Variants in NUFIP1 observed in about 807,000 individuals in gnomAD.
The protein encoded by NUFIP1 is FMR1-interacting protein NUFIP1.
In NUFIP1, 38 loss-of-function variants were observed where a neutral mutation model predicts 56.2. The observed-to-expected ratio is 0.68, with a 90% CI of 0.52 to 0.89. The LOEUF (loss-of-function observed/expected upper bound fraction) is 0.89, where lower values mean the gene tolerates loss of function less well. NUFIP1 is among the 40% of genes least tolerant of loss of function. The probability of loss-of-function intolerance (pLI) is 0.00; values close to 1 mark genes in which losing one functional copy is unlikely to be tolerated. For missense variants in NUFIP1, 567 were observed against 605.8 expected, an observed-to-expected ratio of 0.94 and a Z score of 0.67; for synonymous variants, 215 against 212.4, an observed-to-expected ratio of 1.01 and a Z score of -0.10.
rs530424313 is a variant in NUFIP1 at position 44,989,234 on chromosome 13, G to C, written c.203C>G (p.Pro68Arg). 5.6e-6 allele frequency: 9 copies of C among 1,612,620 alleles called. No individual in the cohort carries two copies. Among genetic ancestry groups the C allele is most frequent in the South Asian group, 1.1e-5 (1 of 90,884 alleles). Reference protein sequence around the residue: ...GSKPSSESQPPMEAQSLPGAP... With the variant: ...GSKPSSESQPRMEAQSLPGAP... ...CCCGGGGAGAGACTGGGCCTCCATG[G>C]GGGGCTGCGACTCAGAGGAAGGCTT... The change falls in exon 1 of 10, where the codon CCC becomes CGC. Residue 68 changes from proline to arginine, a missense_variant. Transcript: ENST00000379161.
intron 6 of NUFIP1, among the ~76,000 whole-genome samples, chr13:44,960,950 G>A (rs1317394825): frequency 6.6e-6 from 1 of 151,770 alleles, no homozygotes; most frequent in East Asian, 1.9e-4. Flanking sequence ...CTCCTCGGGA[G>A]GCTGAAGCAC....
At position 44,943,077 on chromosome 13, in the gene NUFIP1, T is replaced by C. The variant is rs563417174; in HGVS notation, c.1371+365A>G. ...CTTAGGCCTTTCCTTTTTGTTACTG[T>C]ATGGTTCTCAATAGACATTTGTACT... On this transcript the variant is annotated intron_variant, in intron 9 of 9. Transcript: ENST00000379161. 2.6e-5 allele frequency among the ~76,000 whole-genome samples: 4 copies of C among 152,294 alleles called. 1 individual carries two copies. Among genetic ancestry groups the C allele is most frequent in the African/African-American group, 9.6e-5 (4 of 41,564 alleles).
chr13:44,977,859 G>T (rs1376749664), intron 5 of NUFIP1, among the ~76,000 whole-genome samples: 1 of 152,150 alleles, frequency 6.6e-6, no homozygotes, highest in Non-Finnish European at 1.5e-5. Flanking sequence ...GACCAGCCTG[G>T]CCAACATGGC....
At chr13:44,955,831 A>C (rs1180907340) in intron 7 of NUFIP1, among the ~76,000 whole-genome samples, 1 of 152,128 alleles carries the variant, frequency 6.6e-6, no homozygotes, top group African/African-American at 2.4e-5. Flanking sequence ...CTTAAAAAAA[A>C]AAAAAATCAC....
At chr13:44,951,262 C>T (rs1049808017) in intron 7 of NUFIP1, among the ~76,000 whole-genome samples, 3 of 152,250 alleles carry the variant, frequency 2.0e-5, no homozygotes, top group Non-Finnish European at 1.5e-5. Flanking sequence ...AAAACTGCAG[C>T]ATTTATTTCC....
At chr13:44,973,441 C>A (rs1308877318) in intron 5 of NUFIP1, among the ~76,000 whole-genome samples, 1 of 152,166 alleles carries the variant, frequency 6.6e-6, no homozygotes, top group East Asian at 1.9e-4. Context: ...CTTCTCCAAC[C>A]ACTTACTTGT....
intron 6 of NUFIP1, among the ~76,000 whole-genome samples, chr13:44,964,125 TA>T (rs1566060235): frequency 6.6e-6 from 1 of 152,108 alleles, no homozygotes; most frequent in Admixed American, 6.5e-5. Flanking sequence ...CACAAAGCAA[TA>T]AATCTTCTAA....
chr13:44,987,968 A>G (rs545057659), intron 1 of NUFIP1, among the ~76,000 whole-genome samples: 3 of 152,184 alleles, frequency 2.0e-5, no homozygotes, highest in Non-Finnish European at 4.4e-5. Flanking sequence ...ACTGGTTCCC[A>G]TTCTGATGTA....
rs1872168077 is a variant in NUFIP1, at chr13:44,980,945, G to A, written c.496-125C>T. 3.5e-5 allele frequency: 20 copies of A among 577,068 alleles called. 2 individuals are homozygous for A. The highest frequency in any genetic ancestry group is 3.1e-4 in the South Asian group (13 of 41,582). 35.7% of individuals were successfully genotyped at this position (577,068 alleles called of 1,614,324 possible). A position where few individuals can be genotyped will look rare whatever the true frequency, so the allele number is the denominator to read the frequency against. On this transcript the variant is annotated intron_variant, in intron 2 of 9. Transcript: ENST00000379161. ...CCAATAACCCTTTCGTGTGGGAGAA[G>A]CTTGTGAGTATATTTCCAATGAAGA...
At chr13:44,953,173 G>C (rs1396549453) in intron 7 of NUFIP1, among the ~76,000 whole-genome samples, 1 of 152,022 alleles carries the variant, frequency 6.6e-6, no homozygotes, top group African/African-American at 2.4e-5. Flanking sequence ...ACTAAGTTTA[G>C]CTCACACTCC....
At chr13:44,967,195 G>GTA (rs1871634839) in intron 5 of NUFIP1, among the ~76,000 whole-genome samples, 1 of 151,898 alleles carries the variant, frequency 6.6e-6, no homozygotes, top group Non-Finnish European at 1.5e-5. Flanking sequence ...AGAAATCAGA[G>GTA]TATGTTAAGT....
In NUFIP1 at chr13:44,977,832, T is replaced by C. The variant is rs572454480; in HGVS notation, c.734+1358A>G. On this transcript the variant is annotated intron_variant, in intron 5 of 9. Transcript: ENST00000379161. ...GGGAGGCTGAGACAGGTAGATCACT[T>C]GAGGTCAGAAGTTCGAGACCAGCCT... Among the ~76,000 whole-genome samples the C allele has an allele frequency of 1.4e-4, 21 of 152,298 alleles. No homozygotes were observed. In the South Asian group the frequency reaches 3.7e-3, roughly 27 times the overall value.
At chr13:44,978,452 A>T (rs1334066129) in intron 5 of NUFIP1, among the ~76,000 whole-genome samples, 1 of 152,168 alleles carries the variant, frequency 6.6e-6, no homozygotes, top group East Asian at 1.9e-4. Flanking sequence ...TCATTACAGT[A>T]GTTCTGCATA....
At chr13:44,975,375 C>T (rs1199601481) in intron 5 of NUFIP1, among the ~76,000 whole-genome samples, 1 of 152,156 alleles carries the variant, frequency 6.6e-6, no homozygotes, top group Middle Eastern at 3.2e-3. Flanking sequence ...AAAGCCCATC[C>T]TCTTCCAGTG....
chr13:44,949,967 T>A, intron 7 of NUFIP1, 129 bp from the exon 8 acceptor site: 1 of 692,622 alleles, frequency 1.4e-6, no homozygotes, highest in Non-Finnish European at 2.6e-6. Flanking sequence ...AAAAGACTAA[T>A]TCTAGGGGGC....
intron 1 of NUFIP1, among the ~76,000 whole-genome samples, chr13:44,985,711 C>T (rs921667934): frequency 6.6e-6 from 1 of 152,170 alleles, no homozygotes; most frequent in Non-Finnish European, 1.5e-5. Flanking sequence ...TGTGTATGTT[C>T]TAACTGCTCT....
intron 6 of NUFIP1, among the ~76,000 whole-genome samples, chr13:44,963,574 A>G (rs922412385): frequency 1.3e-5 from 2 of 152,286 alleles, no homozygotes; most frequent in East Asian, 3.9e-4. Context: ...GTTTGCTAAT[A>G]TGTCTTTTTT....
intron 5 of NUFIP1, among the ~76,000 whole-genome samples, chr13:44,967,849 A>C (rs1379082991): frequency 6.6e-6 from 1 of 152,170 alleles, no homozygotes; most frequent in Non-Finnish European, 1.5e-5. Flanking sequence ...CATAGAAGGA[A>C]GGGAACACAG....
chr13:44,950,734 C>T (rs1467519786), intron 7 of NUFIP1, among the ~76,000 whole-genome samples: 1 of 152,094 alleles, frequency 6.6e-6, no homozygotes, highest in Non-Finnish European at 1.5e-5. Flanking sequence ...TACTAAAGTG[C>T]CTGCCAAATA....
Sources: allele counts gnomAD v4.1 joint callset (sites outside exome capture counted in the v4.1 genomes callset), GRCh38; gene constraint gnomAD v4.1.1; transcripts MANE v1.5; gene names NCBI Gene and HGNC (gene_info 2026-07-23, HGNC 2026-07-21).